XIRP2: variants seen among roughly 807,000 people sequenced by gnomAD.
XIRP2 encodes xin actin binding repeat containing 2.
In XIRP2, 236 loss-of-function variants were observed where a neutral mutation model predicts 277.0. The observed-to-expected ratio is 0.85, with a 90% CI of 0.77 to 0.95. The LOEUF (loss-of-function observed/expected upper bound fraction) is 0.95. XIRP2 is among the 40% of genes least tolerant of loss of function. The pLI is 0.00. For missense variants in XIRP2, 4,640 were observed against 4,157.5 expected, an observed-to-expected ratio of 1.12 and a Z score of -3.19; for synonymous variants, 1,490 against 1,416.5, an observed-to-expected ratio of 1.05 and a Z score of -1.17.
chr2:167,033,413 G>T (rs1172622117), intron 2 of XIRP2, among the ~76,000 whole-genome samples: 1 of 152,026 alleles, frequency 6.6e-6, no homozygotes, highest in Non-Finnish European at 1.5e-5. Context: ...TGTTCTGCAC[G>T]TGTATCCCAG....
At chr2:167,141,188 T>C (rs994565748) in intron 3 of XIRP2, among the ~76,000 whole-genome samples, 2 of 152,206 alleles carry the variant, frequency 1.3e-5, no homozygotes, top group Non-Finnish European at 2.9e-5. Context: ...TGGAAAAAAC[T>C]AAATATTATT....
chr2:167,224,947 G>A (rs1694548301), intron 5 of XIRP2, among the ~76,000 whole-genome samples: 1 of 152,100 alleles, frequency 6.6e-6, no homozygotes, highest in African/African-American at 2.4e-5. Flanking sequence ...CGTGTTTTGA[G>A]CATATGTCAT....
intron 3 of XIRP2, among the ~76,000 whole-genome samples, chr2:167,166,705 A>C (rs932071568): frequency 2.0e-5 from 3 of 152,146 alleles, no homozygotes; most frequent in Non-Finnish European, 2.9e-5. Context: ...ATGTGAACTC[A>C]CAGCAAGAAC....
intron 2 of XIRP2, among the ~76,000 whole-genome samples, chr2:166,982,695 C>A (rs1046189586): frequency 1.3e-5 from 2 of 151,992 alleles, no homozygotes; most frequent in African/African-American, 4.8e-5. Context: ...TTGTTCTTTT[C>A]CACTGTTTCT....
intron 2 of XIRP2, among the ~76,000 whole-genome samples, chr2:167,076,264 A>T (rs1021979380): frequency 6.6e-6 from 1 of 152,208 alleles, no homozygotes; most frequent in African/African-American, 2.4e-5. Flanking sequence ...GAAGCAATTT[A>T]TATGGCATCC....
chr2:167,131,443 A>G (rs1317014530), intron 2 of XIRP2, among the ~76,000 whole-genome samples: 1 of 152,176 alleles, frequency 6.6e-6, no homozygotes, highest in African/African-American at 2.4e-5. Flanking sequence ...TGAAATGTTC[A>G]GTAAGTGAGC....
intron 2 of XIRP2, among the ~76,000 whole-genome samples, chr2:166,939,058 A>G (rs149719737): frequency 0.075 from 11,457 of 152,152 alleles, 969 homozygotes; most frequent in East Asian, 0.47. Context: ...TTGCCAGTCT[A>G]TGTCTTTCAA....
In XIRP2 at chr2:167,246,848, T is replaced by G; in HGVS notation, c.5456T>G (p.Val1819Gly). 6.2e-7 allele frequency: 1 copy of G among 1,613,666 alleles called. No individual in the cohort carries two copies. The highest frequency in any genetic ancestry group is 8.5e-7 in the Non-Finnish European group (1 of 1,179,766). Residue 1819 changes from valine to glycine, a missense_variant, in exon 9 of 11, where the codon GTT (valine) becomes GGT (glycine). Physicochemically the swap from Val to Gly is moderately radical, Grantham distance 109 (BLOSUM62 -3). Transcript: ENST00000409195. ...GGAGATGTGCATAACACAGTTAAGG[T>G]TTTTATGACCGAGCCTCAGAGTACA... is the stretch of plus-strand genomic sequence containing the variant. ...IPGDVHNTVK[V>G]FMTEPQSTFG...
chr2:167,042,309 A>T (rs1352336954), intron 2 of XIRP2, among the ~76,000 whole-genome samples: 4 of 152,202 alleles, frequency 2.6e-5, no homozygotes, highest in Non-Finnish European at 4.4e-5. Flanking sequence ...GCTAAAAAAC[A>T]TAATGACAGG....
intron 2 of XIRP2, among the ~76,000 whole-genome samples, chr2:167,010,562 T>C (rs1454315241): frequency 6.6e-6 from 1 of 152,204 alleles, no homozygotes; most frequent in African/African-American, 2.4e-5. Flanking sequence ...GGCTCTTTTT[T>C]GGTTCCATAT....
chr2:167,094,175 T>C (rs1027973447), intron 2 of XIRP2, among the ~76,000 whole-genome samples: 10 of 152,188 alleles, frequency 6.6e-5, no homozygotes, highest in Non-Finnish European at 1.5e-4. Context: ...TTTGTTTTTT[T>C]CTTGTAAATA....
At chr2:167,015,622 A>G (rs1472252415) in intron 2 of XIRP2, among the ~76,000 whole-genome samples, 1 of 151,880 alleles carries the variant, frequency 6.6e-6, no homozygotes, top group Non-Finnish European at 1.5e-5. Flanking sequence ...CTCTTTAAGC[A>G]CTAATTTATA....
intron 3 of XIRP2, among the ~76,000 whole-genome samples, chr2:167,181,945 G>A (rs1431869222): frequency 6.6e-6 from 1 of 151,978 alleles, no homozygotes; most frequent in Non-Finnish European, 1.5e-5. Flanking sequence ...AGTTATTAAT[G>A]GTGCTTTCTT....
At chr2:167,065,467 T>G (rs1689277445) in intron 2 of XIRP2, among the ~76,000 whole-genome samples, 1 of 151,998 alleles carries the variant, frequency 6.6e-6, no homozygotes, top group Admixed American at 6.6e-5. Flanking sequence ...GGTGATGGCT[T>G]TTCAGTCAGT....
Position 167,245,636 on chromosome 2 carries a change from G to A in XIRP2, c.4244G>A (p.Gly1415Asp). 1.2e-6 allele frequency: 2 copies of A among 1,613,608 alleles called. No homozygotes were observed. Among genetic ancestry groups the A allele is most frequent in the Non-Finnish European group, 1.7e-6 (2 of 1,179,728 alleles). The change falls in exon 9 of 11, where the codon GGT (glycine) becomes GAT (aspartate). Residue 1415 changes from glycine (G) to aspartate (D), a missense_variant. Physicochemically the swap from Gly to Asp is moderately conservative, Grantham distance 94. Coordinates refer to ENST00000409195, the MANE Select transcript of XIRP2 (RefSeq NM_152381.6). ...ATGCCCAGTATTGACCATATACAAGGTGGCAATGTAAAGACAAGTAGACAA... is the reference window on the plus strand; with the variant it reads ...ATGCCCAGTATTGACCATATACAAGATGGCAATGTAAAGACAAGTAGACAA... Reference protein sequence around the residue: ...NIMPSIDHIQGGNVKTSRQFF... With the variant: ...NIMPSIDHIQDGNVKTSRQFF...
intron 2 of XIRP2, among the ~76,000 whole-genome samples, chr2:166,988,828 T>G: frequency 9.9e-5 from 6 of 60,346 alleles, no homozygotes; most frequent in Admixed American, 2.2e-4. Context: ...CCACGGAATC[T>G]CGCTGATTGC....
intron 2 of XIRP2, among the ~76,000 whole-genome samples, chr2:166,932,291 A>G (rs922863127): frequency 1.3e-5 from 2 of 150,588 alleles, no homozygotes; most frequent in African/African-American, 4.9e-5. Context: ...ATCACAGCTC[A>G]CTGCAGTCTT....
chr2:167,150,505 C>T lies in XIRP2; in HGVS notation c.562+14443C>T, dbSNP rs139113462. ...AAAAAAATGGATACAGTTTAAATGC[C>T]AATTACATAAGCGAATGACTGAATA... On this transcript the variant is annotated intron_variant, in intron 3 of 10. Coordinates refer to ENST00000409195, the MANE Select transcript of XIRP2 (RefSeq NM_152381.6). 5.8e-3 allele frequency among the ~76,000 whole-genome samples: 877 copies of T among 152,028 alleles called. 18 individuals are homozygous for T. Among genetic ancestry groups the T allele is most frequent in the Admixed American group, 0.04 (604 of 15,266 alleles).
At chr2:167,253,319 T>C (rs1695567987) in intron 9 of XIRP2, among the ~76,000 whole-genome samples, 1 of 151,766 alleles carries the variant, frequency 6.6e-6, no homozygotes, top group African/African-American at 2.4e-5. Flanking sequence ...ATAGGTGCTT[T>C]AGAGGAGCAA....
Sources: gnomAD v4.1 joint callset for allele counts (sites outside exome capture counted in the v4.1 genomes callset) on GRCh38, gnomAD v4.1.1 for gene constraint, MANE v1.5 for transcripts, NCBI Gene and HGNC (gene_info 2026-07-23, HGNC 2026-07-21) for gene names.